The following GPHN variants were observed in gnomAD, a reference collection of about 807,000 sequenced individuals.
GPHN encodes gephyrin.
Under a neutral mutation model 95.5 loss-of-function variants are expected in GPHN, and 17 were observed. The observed-to-expected ratio is 0.18, with a 90% confidence interval of 0.12 to 0.27. The LOEUF is 0.27. GPHN is among the 10% of genes least tolerant of loss of function. The probability of loss-of-function intolerance (pLI) is 1.00; values close to 1 mark genes in which losing one functional copy is unlikely to be tolerated. For synonymous variants in GPHN, 320 were observed against 322.5 expected (o/e 0.99, Z 0.08); for missense variants, 660 against 978.1 (o/e 0.67, Z 4.34).
the GPHN span, among the ~76,000 whole-genome samples, chr14:67,548,648 G>A: frequency 6.6e-6 from 1 of 152,162 alleles, no homozygotes; most frequent in Admixed American, 6.5e-5. Flanking sequence ...GGTGAGCCAA[G>A]ATTGTGCCAT....
the GPHN span, among the ~76,000 whole-genome samples, chr14:67,599,157 A>C: frequency 6.6e-6 from 1 of 152,244 alleles, no homozygotes; most frequent in African/African-American, 2.4e-5. Flanking sequence ...ACAATATCCA[A>C]GTTACAAAAA....
intron 17 of GPHN, among the ~76,000 whole-genome samples, chr14:67,126,285 G>A (rs2153694555): frequency 6.6e-6 from 1 of 152,250 alleles, no homozygotes; most frequent in South Asian, 2.1e-4. Flanking sequence ...TAGTGGCAGA[G>A]ATAAAAATGG....
At chr14:67,412,178 G>C in the GPHN span, 1 of 737,244 alleles carries the variant, frequency 1.4e-6, no homozygotes. Context: ...CTCCGACGCG[G>C]CAGGGCGACG....
the GPHN span, chr14:67,577,354 C>T: frequency 1.4e-5 from 23 of 1,589,068 alleles, no homozygotes; most frequent in Admixed American, 1.8e-4. Flanking sequence ...ACGGCCTATA[C>T]GCCTCCCTCA....
At chr14:67,338,763 C>T in the GPHN span, 1 of 1,609,596 alleles carries the variant, frequency 6.2e-7, no homozygotes, top group Non-Finnish European at 8.5e-7. Context: ...TTTCTTTAAC[C>T]TGTAAAATAC....
chr14:66,562,416 C>T (rs2060294110), intron 1 of GPHN, among the ~76,000 whole-genome samples: 1 of 152,076 alleles, frequency 6.6e-6, no homozygotes, highest in Non-Finnish European at 1.5e-5. Flanking sequence ...ATCAAAACAT[C>T]ACATTGTGCA....
Position 66,590,710 on chromosome 14 carries a change from A to G in GPHN, c.64+82119A>G, listed in dbSNP as rs548650766. On this transcript the variant is annotated intron_variant, in intron 1 of 22. Transcript: ENST00000478722. Reference sequence around the variant, plus strand: ...CCAGGACCAGACAGATTCACAGCCAAATTCTACCAGAAGTACAAAGAGGAG... The same window carrying G: ...CCAGGACCAGACAGATTCACAGCCAGATTCTACCAGAAGTACAAAGAGGAG... 4.8e-4 allele frequency among the ~76,000 whole-genome samples: 73 copies of G among 152,314 alleles called. 1 individual carries two copies. The South Asian group carries it at 0.014, about 30-fold the overall frequency.
chr14:66,680,773 T>C (rs1389302016), intron 1 of GPHN, among the ~76,000 whole-genome samples: 2 of 152,152 alleles, frequency 1.3e-5, no homozygotes, highest in African/African-American at 4.8e-5. Flanking sequence ...TTCCTAGTTG[T>C]TGTGGGGGCA....
chr14:67,179,693 C>T lies in GPHN; in HGVS notation c.2176+19C>T. ...AGTACAGGTTAGTCATTCACATCTA[C>T]AGATATTCCTAGACACCTATCCTGT... is the stretch of plus-strand genomic sequence containing the variant. On this transcript the variant is annotated intron_variant, in intron 22 of 22. Coordinates refer to ENST00000478722, the MANE Select transcript of GPHN (RefSeq NM_020806.5). 2.4e-6 allele frequency: 3 copies of T among 1,229,514 alleles called. No individual in the cohort carries two copies. Among genetic ancestry groups the T allele is most frequent in the South Asian group, 1.2e-5 (1 of 83,512 alleles). The allele number at this position is 1,229,514 out of a possible 1,614,324, so 76.2% of individuals were successfully genotyped here. A position where few individuals can be genotyped will look rare whatever the true frequency, so the allele number is the denominator to read the frequency against.
chr14:66,898,112 G>A (rs1016499943), intron 5 of GPHN, among the ~76,000 whole-genome samples: 26 of 151,792 alleles, frequency 1.7e-4, no homozygotes, highest in African/African-American at 3.6e-4. Context: ...CCTGTCCTTC[G>A]TCAGATATGT....
the GPHN span, among the ~76,000 whole-genome samples, chr14:67,532,359 A>G: frequency 6.6e-6 from 1 of 152,214 alleles, no homozygotes; most frequent in Admixed American, 6.5e-5. Context: ...GGGTTGAGGA[A>G]GAAGGCTCTG....
chr14:67,316,884 T>C, the GPHN span: 1 of 1,611,810 alleles, frequency 6.2e-7, no homozygotes, highest in East Asian at 2.2e-5. Context: ...TAGAAGAAGA[T>C]AAGGAGCCAG....
chr14:66,672,745 G>A (rs540655381), intron 1 of GPHN, among the ~76,000 whole-genome samples: 1 of 152,200 alleles, frequency 6.6e-6, no homozygotes, highest in African/African-American at 2.4e-5. Context: ...TTTGATCAGT[G>A]TTAGCATGGC....
At chr14:67,360,451 C>T in the GPHN span, 24 of 380,850 alleles carry the variant, frequency 6.3e-5, no homozygotes, top group East Asian at 9.0e-4. Flanking sequence ...CACACACATA[C>T]CTCAGGTGAC....
At chr14:66,971,480 A>G (rs568878478) in intron 9 of GPHN, among the ~76,000 whole-genome samples, 1 of 152,334 alleles carries the variant, frequency 6.6e-6, no homozygotes, top group Non-Finnish European at 1.5e-5. Context: ...CGCTTAATAG[A>G]AAATAGCTGG....
intron 11 of GPHN, among the ~76,000 whole-genome samples, chr14:67,078,087 C>T (rs1474405345): frequency 6.6e-6 from 1 of 152,168 alleles, no homozygotes; most frequent in Non-Finnish European, 1.5e-5. Flanking sequence ...ACAGAATAAA[C>T]ATTGTCTAGT....
At chr14:66,882,657 C>G (rs2063984826) in intron 5 of GPHN, among the ~76,000 whole-genome samples, 1 of 151,626 alleles carries the variant, frequency 6.6e-6, no homozygotes, top group Admixed American at 6.6e-5. Flanking sequence ...ATGTAAAGCA[C>G]TTAGAAAACT....
chr14:67,210,279 G>A, the GPHN span, among the ~76,000 whole-genome samples: 1 of 152,078 alleles, frequency 6.6e-6, no homozygotes, highest in East Asian at 1.9e-4. Context: ...AAAAGCCATG[G>A]GCAGAATTTC....
intron 13 of GPHN, among the ~76,000 whole-genome samples, chr14:67,103,782 G>C (rs1330785025): frequency 6.6e-6 from 1 of 151,412 alleles, no homozygotes; most frequent in Non-Finnish European, 1.5e-5. Context: ...GAGCTTTTAG[G>C]GTTTTCTATA....
Sources: gnomAD v4.1 joint callset for allele counts (sites outside exome capture counted in the v4.1 genomes callset) on GRCh38, gnomAD v4.1.1 for gene constraint, MANE v1.5 for transcripts, NCBI Gene and HGNC (gene_info 2026-07-23, HGNC 2026-07-21) for gene names.